The following KAZN variants were observed in gnomAD, a reference collection of about 807,000 sequenced individuals.
KAZN encodes the protein kazrin, periplakin interacting protein, also known as kazrin.
A neutral mutation model predicts 87.4 loss-of-function variants in KAZN; 40 were observed. The observed-to-expected ratio is 0.46, with a 90% CI of 0.36 to 0.60. The LOEUF (loss-of-function observed/expected upper bound fraction) is 0.60, where lower values mean the gene tolerates loss of function less well. Ranked by LOEUF, KAZN falls within the 20% of genes least tolerant of loss-of-function variation. The pLI is 0.00. For missense variants in KAZN, 898 were observed against 1,073.9 expected (o/e 0.84, Z 2.29); for synonymous variants, 466 against 458.3 (o/e 1.02, Z -0.22).
At position 14,599,294 on chromosome 1, in the gene KAZN, ACCCGGGGT is replaced by A; in HGVS notation, c.226+75_226+82del. The A allele has an allele frequency of 1.6e-6, 2 of 1,270,622 alleles. No homozygotes were observed. Among genetic ancestry groups the A allele is most frequent in the Non-Finnish European group, 2.0e-6 (2 of 1,009,246 alleles). The allele number at this position is 1,270,622 out of a possible 1,614,324, so 78.7% of individuals were successfully genotyped here. On this transcript the variant is annotated intron_variant, in intron 1 of 14. Coordinates refer to ENST00000376030, the MANE Select transcript of KAZN (RefSeq NM_201628.3). The surrounding 1 kb of genome is among the most constrained non-coding windows in gnomAD (Gnocchi z 4.4). ...CGCCCGGCCTCGGAGGTGGCCGGGG[ACCCGGGGT>A]CCCCCACACCCGGGGCGAAATCGCT...
chr1:14,931,807 C>T (rs1378345827), intron 1 of KAZN, among the ~76,000 whole-genome samples: 4 of 152,164 alleles, frequency 2.6e-5, no homozygotes, highest in Non-Finnish European at 5.9e-5. Context: ...TTCACAGGCA[C>T]GATCAGGGCA....
rs1650178215 is a variant in KAZN, at chr1:14,856,863, T to C, written c.227-103821T>C. Among the ~76,000 whole-genome samples the C allele has an allele frequency of 6.6e-6, 1 of 152,198 alleles. No individual in the cohort carries two copies. Among genetic ancestry groups the C allele is most frequent in the Non-Finnish European group, 1.5e-5 (1 of 68,034 alleles). On this transcript the variant is annotated intron_variant, in intron 1 of 14. Coordinates refer to ENST00000376030, the MANE Select transcript of KAZN (RefSeq NM_201628.3). This position sits in a 1 kb window ranked among gnomAD's most constrained non-coding sequence, Gnocchi z 5.2. The stretch of plus-strand genomic sequence containing the variant: ...CTCTGTTGTCATCCTTTGATGCTTC[T>C]CCTTGGGAGGTGTGTGAATTGGAGT...
chr1:14,903,021 A>G (rs1055893554), intron 1 of KAZN, among the ~76,000 whole-genome samples: 1 of 151,976 alleles, frequency 6.6e-6, no homozygotes, highest in Non-Finnish European at 1.5e-5. Flanking sequence ...GGCACCTGCC[A>G]CCACGCCCAG....
chr1:15,076,700 C>T (rs2100612630), intron 8 of KAZN, among the ~76,000 whole-genome samples: 1 of 152,320 alleles, frequency 6.6e-6, no homozygotes, highest in East Asian at 1.9e-4. Context: ...CCCTGGGAAT[C>T]TTGAGTCCCC....
chr1:13,994,156 C>A (rs6691183), intron 1 of KAZN, among the ~76,000 whole-genome samples: 21,374 of 152,128 alleles, frequency 0.14, 1,612 homozygotes, highest in Middle Eastern at 0.22. Flanking sequence ...ATATTATAAA[C>A]CCATGTGTGC....
At chr1:14,446,592 C>T (rs1199840744) in intron 2 of KAZN, among the ~76,000 whole-genome samples, 1 of 152,204 alleles carries the variant, frequency 6.6e-6, no homozygotes, top group Admixed American at 6.5e-5. Context: ...GTGGTGGTCT[C>T]AGTCACCTAT....
At chr1:14,180,217 C>T (rs1646168069) in intron 1 of KAZN, among the ~76,000 whole-genome samples, 1 of 152,036 alleles carries the variant, frequency 6.6e-6, no homozygotes, top group Non-Finnish European at 1.5e-5. Context: ...TATCCCCAAG[C>T]ACTCTATGTA....
intron 1 of KAZN, among the ~76,000 whole-genome samples, chr1:14,107,232 G>A (rs1026522411): frequency 8.6e-5 from 13 of 151,528 alleles, no homozygotes; most frequent in African/African-American, 1.9e-4. Context: ...GCCTTTCTCC[G>A]GGCAGTGATC....
At chr1:13,904,571 C>T (rs1639367576) in intron 1 of KAZN, among the ~76,000 whole-genome samples, 1 of 152,220 alleles carries the variant, frequency 6.6e-6, no homozygotes, top group Non-Finnish European at 1.5e-5. Context: ...GAGTTATTTT[C>T]TCTCAACATT....
chr1:14,355,803 G>T (rs569738928), intron 2 of KAZN, among the ~76,000 whole-genome samples: 4 of 152,242 alleles, frequency 2.6e-5, no homozygotes, highest in Non-Finnish European at 5.9e-5. Flanking sequence ...GTGTATATGT[G>T]CCACATTTTC....
At position 14,004,939 on chromosome 1, in the gene KAZN, C is replaced by T. The variant is rs529766788; in HGVS notation, c.91+111183C>T. Among the ~76,000 whole-genome samples, 145 of 151,750 alleles carry T rather than the reference C, an allele frequency of 9.6e-4. 1 individual carries two copies. The highest frequency in any genetic ancestry group is 3.5e-3 in the African/African-American group (142 of 41,084). On this transcript the variant is annotated intron_variant, in intron 1 of 16. Transcript: ENST00000636203. ...CAGCATGTTAGTACACTCAGCCCCT[C>T]GCCACCCGATGCCCTGTGCCACCAT...
intron 1 of KAZN, among the ~76,000 whole-genome samples, chr1:14,052,140 C>G (rs185713243): frequency 6.6e-6 from 1 of 152,188 alleles, no homozygotes; most frequent in African/African-American, 2.4e-5. Context: ...CACTGGCACC[C>G]GGCTCACATC....
At chr1:14,575,798 C>A (rs1675140263) in intron 2 of KAZN, among the ~76,000 whole-genome samples, 1 of 152,130 alleles carries the variant, frequency 6.6e-6, no homozygotes, top group African/African-American at 2.4e-5. Flanking sequence ...CTGAACAATG[C>A]CACTAAATAA....
rs1667545005 is a variant in KAZN, at chr1:14,993,398, G to A, written c.418+32523G>A. The stretch of plus-strand genomic sequence containing the variant: ...GCAGGAGAATCACTTGAACCTGGGA[G>A]ATGGAGGTTGCAGTGAGCCAAGATC... On this transcript the variant is annotated intron_variant, in intron 2 of 14. Transcript: ENST00000376030. Among the ~76,000 whole-genome samples, 4 of 151,912 alleles carry A rather than the reference G, an allele frequency of 2.6e-5. No individual in the cohort carries two copies. The South Asian group carries it at 8.3e-4, about 32-fold the overall frequency.
At chr1:14,405,606 ATGTGTGTGTGTGTGTGTGTG>A (rs111850452) in intron 2 of KAZN, among the ~76,000 whole-genome samples, 2 of 136,324 alleles carry the variant, frequency 1.5e-5, no homozygotes, top group African/African-American at 5.3e-5. Flanking sequence ...ACCCAATAAA[ATGTGTGTGTGTGTGTGTGTG>A]TGTGTGTGTG....
chr1:14,229,701 C>T (rs1193536946), intron 2 of KAZN, among the ~76,000 whole-genome samples: 2 of 152,238 alleles, frequency 1.3e-5, no homozygotes, highest in African/African-American at 4.8e-5. Context: ...GGGCCCAAGC[C>T]CTGGAGAGGA....
chr1:14,473,913 A>G (rs1668587137), intron 2 of KAZN, among the ~76,000 whole-genome samples: 1 of 152,202 alleles, frequency 6.6e-6, no homozygotes, highest in Non-Finnish European at 1.5e-5. Flanking sequence ...GGCACCTCTG[A>G]AAGGCTTTCC....
chr1:14,358,816 C>T (rs1659258557), intron 2 of KAZN, among the ~76,000 whole-genome samples: 2 of 152,124 alleles, frequency 1.3e-5, no homozygotes, highest in Admixed American at 6.5e-5. Flanking sequence ...TGTTCTTTTG[C>T]ATTTACTGAG....
intron 1 of KAZN, among the ~76,000 whole-genome samples, chr1:14,789,934 T>C (rs1645624187): frequency 6.6e-6 from 1 of 152,106 alleles, no homozygotes; most frequent in Non-Finnish European, 1.5e-5. Flanking sequence ...TTCTTTTCTT[T>C]CTTTGTGGAA....
Sources: allele counts gnomAD v4.1 joint callset (sites outside exome capture counted in the v4.1 genomes callset), GRCh38; gene constraint gnomAD v4.1.1; non-coding constraint Gnocchi (gnomAD v3.1); transcripts MANE v1.5; gene names NCBI Gene and HGNC (gene_info 2026-07-23, HGNC 2026-07-21).